The following CRPPA variants were observed in gnomAD, a reference collection of about 807,000 sequenced individuals.
CRPPA encodes the protein D-ribitol-5-phosphate cytidylyltransferase.
Under a neutral mutation model 52.0 loss-of-function variants are expected in CRPPA, and 43 were observed. The observed-to-expected ratio is 0.83, with a 90% CI of 0.65 to 1.07. The LOEUF (loss-of-function observed/expected upper bound fraction) is 1.07, where lower values mean the gene tolerates loss of function less well. Among genes scored for constraint, CRPPA ranks in the 50% least tolerant of loss-of-function variants. The pLI, the probability that CRPPA is intolerant of heterozygous loss-of-function variation, is 0.00. For synonymous variants in CRPPA, 250 were observed against 203.5 expected (o/e 1.23, Z -1.94); for missense variants, 629 against 551.7 (o/e 1.14, Z -1.40).
chr7:16,114,826 A>T (rs987933), intron 9 of CRPPA, among the ~76,000 whole-genome samples: 1 of 151,964 alleles, frequency 6.6e-6, no homozygotes, highest in Non-Finnish European at 1.5e-5. Context: ...GACAGAAGAG[A>T]GCAGCATTGA....
At chr7:16,385,575 C>A (rs550231542) in intron 2 of CRPPA, among the ~76,000 whole-genome samples, 1 of 152,106 alleles carries the variant, frequency 6.6e-6, no homozygotes, top group Admixed American at 6.5e-5. Context: ...CAAAGAAACA[C>A]AGAATTTTTG....
rs1782709526 is a variant in CRPPA, at chr7:16,133,225, G to C, written c.1252-41426C>G. ...CCAGCTACTTGGGAAACTGATGCAT[G>C]AGAATTGCTTGAACCCAGGAGGTGG... On this transcript the variant is annotated intron_variant, in intron 9 of 9. Transcript: ENST00000407010. 1.6e-5 allele frequency among the ~76,000 whole-genome samples: 2 copies of C among 122,492 alleles called. 1 individual carries two copies. The highest frequency in any genetic ancestry group is 6.9e-4 in the East Asian group (2 of 2,880). 80.4% of individuals were successfully genotyped at this position (122,492 alleles called of 152,430 possible). A position where few individuals can be genotyped will look rare whatever the true frequency, so the allele number is the denominator to read the frequency against.
At chr7:16,308,739 A>G (rs572208795) in intron 3 of CRPPA, 112 bp from the exon 4 acceptor site, 3 of 674,760 alleles carry the variant, frequency 4.4e-6, no homozygotes, top group East Asian at 5.4e-5. Flanking sequence ...GGGGGCTCAA[A>G]CTATTTAATC....
At chr7:16,286,491 C>T (rs1012129805) in intron 5 of CRPPA, among the ~76,000 whole-genome samples, 2 of 152,078 alleles carry the variant, frequency 1.3e-5, no homozygotes, top group African/African-American at 2.4e-5. Context: ...TAATAATTCC[C>T]AGGTTCTCAT....
intron 3 of CRPPA, among the ~76,000 whole-genome samples, chr7:16,368,321 G>A (rs1786662590): frequency 6.6e-6 from 1 of 151,980 alleles, no homozygotes; most frequent in Admixed American, 6.6e-5. Context: ...TTTTCCTTTA[G>A]CAAACTCCTA....
At chr7:16,213,580 C>G (rs999151233) in intron 9 of CRPPA, among the ~76,000 whole-genome samples, 1 of 151,986 alleles carries the variant, frequency 6.6e-6, no homozygotes, top group Non-Finnish European at 1.5e-5. Flanking sequence ...GAAACCCTGT[C>G]TCTACTACAT....
chr7:16,282,658 G>A lies in CRPPA; in HGVS notation c.836-4432C>T, dbSNP rs538224149. Among the ~76,000 whole-genome samples, 4 of 152,076 alleles carry A rather than the reference G, an allele frequency of 2.6e-5. No homozygotes were observed. The South Asian group carries it at 8.3e-4, about 32-fold the overall frequency. ...ACCCTCTCCTAAAAACAAAAATTAA[G>A]AAAAAATATGTGAAGCTATATTAAT... On this transcript the variant is annotated intron_variant, in intron 5 of 9. Coordinates refer to ENST00000407010, the MANE Select transcript of CRPPA (RefSeq NM_001101426.4).
intron 5 of CRPPA, among the ~76,000 whole-genome samples, chr7:16,281,462 T>C (rs1784319345): frequency 6.6e-6 from 1 of 152,190 alleles, no homozygotes; most frequent in African/African-American, 2.4e-5. Context: ...TGCTGATGAG[T>C]GATAAAGTTT....
chr7:16,290,545 G>A (rs758250035), intron 5 of CRPPA, among the ~76,000 whole-genome samples: 2 of 151,928 alleles, frequency 1.3e-5, no homozygotes, highest in Non-Finnish European at 2.9e-5. Flanking sequence ...GAATATACAT[G>A]GGGAAAAGGA....
intron 8 of CRPPA, among the ~76,000 whole-genome samples, chr7:16,230,634 CA>C (rs1176353261): frequency 2.0e-5 from 3 of 152,132 alleles, no homozygotes; most frequent in Admixed American, 2.0e-4. Context: ...CACATGTCTC[CA>C]TTTCTTTAGG....
At chr7:16,373,174 T>C (rs938393224) in intron 3 of CRPPA, among the ~76,000 whole-genome samples, 1 of 152,072 alleles carries the variant, frequency 6.6e-6, no homozygotes, top group Non-Finnish European at 1.5e-5. Context: ...CGGGCACCTG[T>C]AATCCCAGCT....
chr7:16,373,294 C>G (rs1158770491), intron 3 of CRPPA, among the ~76,000 whole-genome samples: 1 of 151,334 alleles, frequency 6.6e-6, no homozygotes, highest in East Asian at 1.9e-4. Context: ...GAAACTCCAT[C>G]TCAGAAAAAA....
chr7:16,379,730 G>T (rs1024566238), intron 2 of CRPPA, among the ~76,000 whole-genome samples: 2 of 152,050 alleles, frequency 1.3e-5, no homozygotes, highest in African/African-American at 4.8e-5. Flanking sequence ...GGATTCCTAG[G>T]TATTTTATTC....
At chr7:16,232,744 A>G (rs1206546552) in intron 8 of CRPPA, among the ~76,000 whole-genome samples, 1 of 152,166 alleles carries the variant, frequency 6.6e-6, no homozygotes, top group East Asian at 1.9e-4. Context: ...AATTACTTAC[A>G]TCTGGAACAA....
chr7:16,358,207 C>T (rs766369033), intron 3 of CRPPA, among the ~76,000 whole-genome samples: 1 of 152,060 alleles, frequency 6.6e-6, no homozygotes, highest in Non-Finnish European at 1.5e-5. Flanking sequence ...ATGGCCATGG[C>T]AGCTGTGGAG....
At chr7:16,133,582 T>C (rs1182730378) in intron 9 of CRPPA, among the ~76,000 whole-genome samples, 1 of 124,510 alleles carries the variant, frequency 8.0e-6, no homozygotes, top group African/African-American at 2.6e-5. Flanking sequence ...TTCATCTCTC[T>C]AGTAAAATGT....
At chr7:16,247,363 C>T (rs766925326) in intron 8 of CRPPA, among the ~76,000 whole-genome samples, 2 of 152,066 alleles carry the variant, frequency 1.3e-5, no homozygotes, top group Non-Finnish European at 2.9e-5. Flanking sequence ...TATTAATTGG[C>T]CTGATTTCAG....
intron 2 of CRPPA, among the ~76,000 whole-genome samples, chr7:16,399,874 C>T (rs1391006445): frequency 1.3e-5 from 2 of 152,010 alleles, no homozygotes; most frequent in East Asian, 3.9e-4. Context: ...ATGACTAACA[C>T]GTGACATTGA....
At chr7:16,392,346 G>A (rs768034357) in intron 2 of CRPPA, among the ~76,000 whole-genome samples, 4 of 152,214 alleles carry the variant, frequency 2.6e-5, no homozygotes, top group Admixed American at 6.5e-5. Context: ...CATCACCCAT[G>A]CAGAAAACAT....
Sources: allele counts gnomAD v4.1 joint callset (sites outside exome capture counted in the v4.1 genomes callset), GRCh38; gene constraint gnomAD v4.1.1; transcripts MANE v1.5; gene names NCBI Gene and HGNC (gene_info 2026-07-23, HGNC 2026-07-21).